Variants in KCND3 observed in about 807,000 individuals in gnomAD.
KCND3 encodes the protein potassium voltage-gated channel subfamily D member 3, also known as A-type voltage-gated potassium channel KCND3.
A neutral mutation model predicts 51.1 loss-of-function variants in KCND3; 9 were observed. That is an observed-to-expected ratio of 0.18 (90% CI 0.11 to 0.31). The LOEUF (loss-of-function observed/expected upper bound fraction) is 0.31, where lower values mean the gene tolerates loss of function less well. KCND3 is among the 10% of genes least tolerant of loss of function. KCND3 has a pLI of 1.00. For missense variants in KCND3, 526 were observed against 903.8 expected (o/e 0.58, Z 5.36); for synonymous variants, 349 against 368.0 (o/e 0.95, Z 0.59).
intron 2 of KCND3, among the ~76,000 whole-genome samples, chr1:111,913,126 T>G (rs1671041869): frequency 1.4e-5 from 2 of 140,860 alleles, no homozygotes; most frequent in African/African-American, 5.1e-5. Flanking sequence ...TATACTGTAT[T>G]TTTACTGTAC....
intron 2 of KCND3, among the ~76,000 whole-genome samples, chr1:111,791,325 G>C (rs1247954108): frequency 6.6e-6 from 1 of 152,186 alleles, no homozygotes; most frequent in Non-Finnish European, 1.5e-5. Flanking sequence ...TTTTACGTTA[G>C]GGACCAGATC....
intron 2 of KCND3, among the ~76,000 whole-genome samples, chr1:111,965,474 A>ACACACACACACC: frequency 6.7e-6 from 1 of 149,840 alleles, no homozygotes; most frequent in Non-Finnish European, 1.5e-5. Flanking sequence ...ACACACACAC[A>ACACACACACACC]CACACACACA....
intron 2 of KCND3, among the ~76,000 whole-genome samples, chr1:111,884,928 G>A (rs1669501464): frequency 6.6e-6 from 1 of 152,122 alleles, no homozygotes; most frequent in Non-Finnish European, 1.5e-5. Flanking sequence ...GGGCGGTCCT[G>A]TGCATTGTGA....
At chr1:111,799,969 C>T (rs576071310) in intron 2 of KCND3, among the ~76,000 whole-genome samples, 5 of 152,012 alleles carry the variant, frequency 3.3e-5, no homozygotes, top group Non-Finnish European at 7.4e-5. Context: ...AGGTGAGGGG[C>T]GCCTCTGCCC....
At chr1:111,876,404 T>C (rs1177239505) in intron 2 of KCND3, among the ~76,000 whole-genome samples, 1 of 152,230 alleles carries the variant, frequency 6.6e-6, no homozygotes. Flanking sequence ...GCAAGGTGGC[T>C]GTTCTGGCCC....
At chr1:111,987,756 T>G (rs1675369252) in intron 1 of KCND3, among the ~76,000 whole-genome samples, 1 of 152,154 alleles carries the variant, frequency 6.6e-6, no homozygotes, top group South Asian at 2.1e-4. Flanking sequence ...ATGCCTCAAA[T>G]GCCAAGGTTT....
At chr1:111,825,670 A>T (rs892520812) in intron 2 of KCND3, among the ~76,000 whole-genome samples, 1 of 152,230 alleles carries the variant, frequency 6.6e-6, no homozygotes, top group Non-Finnish European at 1.5e-5. Context: ...CCACCCAAAG[A>T]TACCATCATT....
At chr1:111,819,799 A>G (rs1666267113) in intron 2 of KCND3, among the ~76,000 whole-genome samples, 1 of 152,212 alleles carries the variant, frequency 6.6e-6, no homozygotes, top group Non-Finnish European at 1.5e-5. Context: ...TCTTACAATG[A>G]GGCGACTGTA....
rs576387212 is a variant in KCND3 at position 111,981,606 on chromosome 1, C to T, written c.1106+15G>A. The T allele has an allele frequency of 5.6e-5, 90 of 1,614,114 alleles. No individual in the cohort carries two copies. The East Asian group carries it at 1.9e-3, about 35-fold the overall frequency. ...CCAACCTCCGTCCTGGTTTCATCCA[C>T]CAGCGCTGACTTACCCCAGTGTGGT... On this transcript the variant is annotated intron_variant, in intron 2 of 7. Coordinates refer to ENST00000302127, the MANE Select transcript of KCND3 (RefSeq NM_001378969.1). The surrounding 1 kb of genome is among the most constrained non-coding windows in gnomAD (Gnocchi z 6.2).
At chr1:111,984,542 G>A (rs3806444) in intron 1 of KCND3, among the ~76,000 whole-genome samples, 3,596 of 152,014 alleles carry the variant, frequency 0.024, 102 homozygotes, top group East Asian at 0.096. Flanking sequence ...CACCCCACCC[G>A]GTTTCTCCTA....
chr1:111,940,502 G>GT (rs1176456757), intron 2 of KCND3, among the ~76,000 whole-genome samples: 1 of 152,122 alleles, frequency 6.6e-6, no homozygotes, highest in Non-Finnish European at 1.5e-5. Context: ...CCCATTGCTT[G>GT]TTTTTGTCAG....
intron 2 of KCND3, among the ~76,000 whole-genome samples, chr1:111,917,349 C>G (rs1671267007): frequency 6.6e-6 from 1 of 152,126 alleles, no homozygotes; most frequent in African/African-American, 2.4e-5. Flanking sequence ...ACCCCACTTC[C>G]TAGGGAAGGC....
intron 2 of KCND3, among the ~76,000 whole-genome samples, chr1:111,860,026 C>G (rs1326663483): frequency 6.6e-6 from 1 of 152,206 alleles, no homozygotes; most frequent in Admixed American, 6.5e-5. Flanking sequence ...CAGGAACGAT[C>G]CTGAGGTCAT....
At chr1:111,866,263 C>CTTTTTTT (rs11399761) in intron 2 of KCND3, among the ~76,000 whole-genome samples, 57 of 54,202 alleles carry the variant, frequency 1.1e-3, no homozygotes, top group East Asian at 2.2e-3. Flanking sequence ...CTTTTCTTTT[C>CTTTTTTT]TTTTTTTTTT....
Position 111,775,819 on chromosome 1 carries a change from A to ATCCCCCCCC in KCND3, c.*257_*258insGGGGGGGGA. 2 of 97,706 alleles carry ATCCCCCCCC rather than the reference A, an allele frequency of 2.0e-5. No homozygotes were observed. Among genetic ancestry groups the ATCCCCCCCC allele is most frequent in the East Asian group, 6.2e-4 (2 of 3,202 alleles). 6.1% of individuals were successfully genotyped at this position (97,706 alleles called of 1,614,324 possible). A position where few individuals can be genotyped will look rare whatever the true frequency, so the allele number is the denominator to read the frequency against. The stretch of plus-strand genomic sequence containing the variant: ...GCCTATATCCCCCGGCCTATCCCCG[A>ATCCCCCCCC]CCCCCCCACCCTCCCTCCCTTCCTC... On this transcript the variant is annotated 3_prime_UTR_variant, in exon 8 of 8. Coordinates refer to ENST00000302127, the MANE Select transcript of KCND3 (RefSeq NM_001378969.1).
At chr1:111,884,636 C>A (rs1401436629) in intron 2 of KCND3, among the ~76,000 whole-genome samples, 1 of 152,216 alleles carries the variant, frequency 6.6e-6, no homozygotes, top group African/African-American at 2.4e-5. Flanking sequence ...TCCCCCAAAT[C>A]TGGGGACTCT....
chr1:111,799,214 A>AG (rs11462717), intron 2 of KCND3, among the ~76,000 whole-genome samples: 149,079 of 152,340 alleles, frequency 0.98, 72,957 homozygotes, highest in East Asian at 1. Flanking sequence ...ATAAATCATA[A>AG]AAAGCAAGCA....
chr1:111,960,259 C>A (rs1346655370), intron 2 of KCND3, among the ~76,000 whole-genome samples: 2 of 152,198 alleles, frequency 1.3e-5, no homozygotes, highest in East Asian at 3.9e-4. Flanking sequence ...CCCAAGCTGA[C>A]TTCACAGCAG....
intron 3 of KCND3, among the ~76,000 whole-genome samples, chr1:111,781,519 A>T (rs1664383445): frequency 6.6e-6 from 1 of 152,036 alleles, no homozygotes; most frequent in Non-Finnish European, 1.5e-5. Context: ...TCATGCATGT[A>T]TATGGTTTTT....
Sources: allele counts gnomAD v4.1 joint callset (sites outside exome capture counted in the v4.1 genomes callset), GRCh38; gene constraint gnomAD v4.1.1; non-coding constraint Gnocchi (gnomAD v3.1); transcripts MANE v1.5; gene names NCBI Gene and HGNC (gene_info 2026-07-23, HGNC 2026-07-21).